The following MYT1L variants were observed in gnomAD, a reference collection of about 807,000 sequenced individuals.
MYT1L encodes myelin transcription factor 1 like, also known as myelin transcription factor 1-like protein.
In MYT1L, 12 loss-of-function variants were observed where a neutral mutation model predicts 126.7. The ratio of observed to expected loss-of-function variants is 0.09; its 90% confidence interval spans 0.06 to 0.15. MYT1L has a LOEUF of 0.15. MYT1L is among the 10% of genes least tolerant of loss of function. The pLI is 1.00. For synonymous variants in MYT1L, 541 were observed against 604.2 expected (o/e 0.90, Z 1.53); for missense variants, 979 against 1,585.2 (o/e 0.62, Z 6.49).
intron 23 of MYT1L, among the ~76,000 whole-genome samples, chr2:1,794,726 G>T (rs1351437443): frequency 6.6e-6 from 1 of 152,222 alleles, no homozygotes; most frequent in Non-Finnish European, 1.5e-5. Context: ...GAGTTAGGCT[G>T]TTCCTTCCCG....
Position 2,059,379 on chromosome 2 carries a change from G to A in MYT1L, c.-303-5256C>T, listed in dbSNP as rs942063905. Among the ~76,000 whole-genome samples, 9 of 152,106 alleles carry A rather than the reference G, an allele frequency of 5.9e-5. 1 individual carries two copies. The South Asian group carries it at 6.2e-4, about 11-fold the overall frequency. ...ACCGCAGTAAGCACCCGACGGTCTC[G>A]TGGCACCATAGTAAGCACCCGGCGG... On this transcript the variant is annotated intron_variant, in intron 3 of 24. Transcript: ENST00000647738. This position sits in a 1 kb window ranked among gnomAD's most constrained non-coding sequence, Gnocchi z 4.7.
At chr2:1,836,594 C>T (rs1330802094) in intron 21 of MYT1L, among the ~76,000 whole-genome samples, 5 of 150,814 alleles carry the variant, frequency 3.3e-5, no homozygotes, top group Non-Finnish European at 5.9e-5. Context: ...ATTCCATCAG[C>T]CTGTACCCCA....
intron 18 of MYT1L, among the ~76,000 whole-genome samples, chr2:1,871,746 G>A (rs1277758790): frequency 6.6e-6 from 1 of 152,104 alleles, no homozygotes; most frequent in Non-Finnish European, 1.5e-5. Flanking sequence ...AGTATGTGTT[G>A]AAAAAATTCT....
At chr2:2,247,462 T>C (rs2094555699) in intron 2 of MYT1L, among the ~76,000 whole-genome samples, 1 of 152,176 alleles carries the variant, frequency 6.6e-6, no homozygotes, top group Non-Finnish European at 1.5e-5. Context: ...ACTTTCAGCA[T>C]TGGACAGATC....
intron 18 of MYT1L, among the ~76,000 whole-genome samples, chr2:1,863,689 C>A (rs778481646): frequency 1.3e-5 from 2 of 149,064 alleles, no homozygotes; most frequent in Non-Finnish European, 3.0e-5. Flanking sequence ...TGTATTCCGA[C>A]AGTGGTGGCG....
chr2:1,797,186 G>A (rs2033730694), intron 23 of MYT1L, among the ~76,000 whole-genome samples: 3 of 152,162 alleles, frequency 2.0e-5, no homozygotes, highest in South Asian at 2.1e-4. Context: ...CACCTCGGCC[G>A]TTCTGCTGGT....
intron 2 of MYT1L, among the ~76,000 whole-genome samples, chr2:2,185,135 CTG>C (rs1396748089): frequency 6.6e-6 from 1 of 152,194 alleles, no homozygotes; most frequent in Non-Finnish European, 1.5e-5. Context: ...CAATAACTCT[CTG>C]TTCTGCACCT....
intron 3 of MYT1L, among the ~76,000 whole-genome samples, chr2:2,082,976 C>T (rs2075994823): frequency 6.6e-6 from 1 of 152,032 alleles, no homozygotes; most frequent in Non-Finnish European, 1.5e-5. Flanking sequence ...TCTCAAGGGG[C>T]CTGAAAGGAG....
At chr2:2,285,164 T>C (rs534305343) in intron 1 of MYT1L, among the ~76,000 whole-genome samples, 1 of 152,350 alleles carries the variant, frequency 6.6e-6, no homozygotes, top group South Asian at 2.1e-4. Flanking sequence ...GTGAGCTCCA[T>C]GCCCAAAAGG....
intron 18 of MYT1L, among the ~76,000 whole-genome samples, chr2:1,869,905 C>A (rs1041794998): frequency 6.6e-6 from 1 of 152,160 alleles, no homozygotes; most frequent in South Asian, 2.1e-4. Flanking sequence ...ATTTCCATAC[C>A]AGGAAACAAG....
intron 21 of MYT1L, chr2:1,824,554 AG>A (rs1183224330): frequency 3.3e-5 from 5 of 152,320 alleles, no homozygotes; most frequent in Non-Finnish European, 7.3e-5. Context: ...GTGAGAACTC[AG>A]GGGCCAGCCT....
Position 2,031,097 on chromosome 2 carries a change from T to C in MYT1L, c.-158+22881A>G, listed in dbSNP as rs572624701. Among the ~76,000 whole-genome samples, 5 of 152,380 alleles carry C rather than the reference T, an allele frequency of 3.3e-5. No individual in the cohort carries two copies. The South Asian group carries it at 8.3e-4, about 25-fold the overall frequency. The stretch of plus-strand genomic sequence containing the variant: ...CTCTAATTTCAGCAAAACAACTCTT[T>C]AACTTCAGAAGTTAAAATTTATTTC... On this transcript the variant is annotated intron_variant, in intron 4 of 24. Transcript: ENST00000647738.
In MYT1L at chr2:1,790,566, G is replaced by A. The variant is rs2031885954; in HGVS notation, c.*1301C>T. Reference sequence around the variant, plus strand: ...GCATTCATTCTTAGAATAGTCACAAGAAATCAAACAATGAGGCTCTGCAAA... The same window carrying A: ...GCATTCATTCTTAGAATAGTCACAAAAAATCAAACAATGAGGCTCTGCAAA... On this transcript the variant is annotated 3_prime_UTR_variant, in exon 25 of 25. Coordinates refer to ENST00000647738, the MANE Select transcript of MYT1L (RefSeq NM_001303052.2). 1 of 152,278 alleles carries A rather than the reference G, an allele frequency of 6.6e-6. No individual in the cohort carries two copies. Among genetic ancestry groups the A allele is most frequent in the Non-Finnish European group, 1.5e-5 (1 of 68,078 alleles). 9.4% of individuals were successfully genotyped at this position (152,278 alleles called of 1,614,324 possible). A position where few individuals can be genotyped will look rare whatever the true frequency, so the allele number is the denominator to read the frequency against.
chr2:1,823,960 C>T (rs533633769), intron 21 of MYT1L, among the ~76,000 whole-genome samples: 5 of 152,308 alleles, frequency 3.3e-5, no homozygotes, highest in East Asian at 1.9e-4. Context: ...GCCTGGGCCT[C>T]GCCGTCCCTG....
chr2:2,080,335 A>T lies in MYT1L; in HGVS notation c.-303-26212T>A, dbSNP rs115413004. Among the ~76,000 whole-genome samples the T allele has an allele frequency of 5.6e-3, 854 of 152,364 alleles. 5 individuals are homozygous for T. Among genetic ancestry groups the T allele is most frequent in the African/African-American group, 0.02 (817 of 41,594 alleles). On this transcript the variant is annotated intron_variant, in intron 3 of 24. Transcript: ENST00000647738. ...AAAAGCAAACGCATAAGTTTAGCTT[A>T]ATCAAAACTAAAAAGTTGATCTGAC...
intron 2 of MYT1L, among the ~76,000 whole-genome samples, chr2:2,252,391 T>C (rs1468864120): frequency 1.3e-5 from 2 of 152,190 alleles, no homozygotes; most frequent in Non-Finnish European, 2.9e-5. Flanking sequence ...CTGGTCTGTG[T>C]CTGGGCATGA....
chr2:2,230,787 T>C (rs1309131708), intron 2 of MYT1L, among the ~76,000 whole-genome samples: 1 of 152,236 alleles, frequency 6.6e-6, no homozygotes, highest in Non-Finnish European at 1.5e-5. Context: ...GTCTTACCTT[T>C]GATCCTCAGC....
chr2:2,078,247 GA>G (rs1208424604), intron 3 of MYT1L, among the ~76,000 whole-genome samples: 1 of 151,960 alleles, frequency 6.6e-6, no homozygotes, highest in Admixed American at 6.6e-5. Context: ...TTTTTAACAA[GA>G]ATATGGCAAA....
rs1558698001 is a variant in MYT1L at position 2,004,287 on chromosome 2, AT to A, written c.-157-6941del. ...CTTTCCTGCAGGCGTTCTTTCCTGC[AT>A]GCGTTCTTTCCTGCATGCGTTCTTT... On this transcript the variant is annotated intron_variant, in intron 4 of 24. Transcript: ENST00000647738. Among the ~76,000 whole-genome samples, 224 of 123,858 alleles carry A rather than the reference AT, an allele frequency of 1.8e-3. 2 individuals carry two copies. The highest frequency in any genetic ancestry group is 2.9e-3 in the Non-Finnish European group (167 of 58,576). The allele number at this position is 123,858 out of a possible 152,430, so 81.3% of individuals were successfully genotyped here.
Sources: allele counts gnomAD v4.1 joint callset (sites outside exome capture counted in the v4.1 genomes callset), GRCh38; gene constraint gnomAD v4.1.1; non-coding constraint Gnocchi (gnomAD v3.1); transcripts MANE v1.5; gene names NCBI Gene and HGNC (gene_info 2026-07-23, HGNC 2026-07-21).